Variants in SEPTIN14 observed in about 807,000 individuals in gnomAD.
The protein encoded by SEPTIN14 is septin 14.
SEPTIN14 carries 40 observed loss-of-function variants against 53.6 expected under a neutral mutation model. That is an observed-to-expected ratio of 0.75 (90% CI 0.58 to 0.97). SEPTIN14 has a LOEUF of 0.97. SEPTIN14 is among the 50% of genes least tolerant of loss of function. The pLI, the probability that SEPTIN14 is intolerant of heterozygous loss-of-function variation, is 0.00. For missense variants in SEPTIN14, 471 were observed against 508.2 expected (o/e 0.93, Z 0.70); for synonymous variants, 138 against 166.8 (o/e 0.83, Z 1.33).
chr7:55,830,349 A>ATATATATATATAT (rs71015108), intron 6 of SEPTIN14, among the ~76,000 whole-genome samples: 3 of 56,848 alleles, frequency 5.3e-5, no homozygotes, highest in African/African-American at 2.0e-4. Flanking sequence ...ATATATATAT[A>ATATATATATATAT]TTTTTTTTTT....
chr7:55,841,882 C>T (rs1040197471), intron 5 of SEPTIN14, among the ~76,000 whole-genome samples: 4 of 149,784 alleles, frequency 2.7e-5, no homozygotes, highest in African/African-American at 4.9e-5. Flanking sequence ...AAAAATTAGC[C>T]GGGCATGGTG....
Position 55,795,683 on chromosome 7 carries a change from G to A in SEPTIN14, c.*230C>T, listed in dbSNP as rs1338893068. ...GGGTTTCATCATTTTGGTCAGGCTGGTTTTGAACTCCTGACCTCAGGTGGT... is the reference window on the plus strand; with the variant it reads ...GGGTTTCATCATTTTGGTCAGGCTGATTTTGAACTCCTGACCTCAGGTGGT... On this transcript the variant is annotated 3_prime_UTR_variant, in exon 10 of 10. Coordinates refer to ENST00000388975, the MANE Select transcript of SEPTIN14 (RefSeq NM_207366.3). 4.0e-6 allele frequency: 2 copies of A among 499,098 alleles called. No individual in the cohort carries two copies. Among genetic ancestry groups the A allele is most frequent in the Non-Finnish European group, 7.1e-6 (2 of 280,346 alleles). 30.9% of individuals were successfully genotyped at this position (499,098 alleles called of 1,614,324 possible).
chr7:55,837,827 C>T (rs1789237228), intron 5 of SEPTIN14, among the ~76,000 whole-genome samples: 1 of 152,212 alleles, frequency 6.6e-6, no homozygotes, highest in South Asian at 2.1e-4. Context: ...AGGTGATCTA[C>T]CTGTCTCGGC....
chr7:55,801,224 T>A (rs1788518205), intron 9 of SEPTIN14, among the ~76,000 whole-genome samples: 1 of 151,336 alleles, frequency 6.6e-6, no homozygotes, highest in Non-Finnish European at 1.5e-5. Context: ...AGATATAGAC[T>A]AGAGAAACAA....
At chr7:55,852,338 A>T (rs932731530) in intron 2 of SEPTIN14, among the ~76,000 whole-genome samples, 3 of 152,260 alleles carry the variant, frequency 2.0e-5, no homozygotes, top group Middle Eastern at 3.4e-3. Context: ...ATGAAAACAG[A>T]CATATAGACC....
intron 9 of SEPTIN14, chr7:55,798,090 C>T (rs1471081702): frequency 3.3e-5 from 6 of 184,162 alleles, no homozygotes; most frequent in African/African-American, 7.1e-5. Flanking sequence ...CCCGTGGCCT[C>T]GGCATGTTCA....
At chr7:55,796,174 A>G in intron 9 of SEPTIN14, 82 bp from the exon 10 acceptor site, 4 of 877,440 alleles carry the variant, frequency 4.6e-6, no homozygotes, top group East Asian at 2.5e-5. Flanking sequence ...CTAAATATCA[A>G]ACAAACCCAA....
chr7:55,802,096 C>T (rs1176358126), intron 9 of SEPTIN14, among the ~76,000 whole-genome samples: 3 of 151,474 alleles, frequency 2.0e-5, no homozygotes, highest in Non-Finnish European at 4.4e-5. Context: ...CCTTCACCTC[C>T]TGGGTTCAAG....
At chr7:55,796,147 A>G (rs1788429578) in intron 9 of SEPTIN14, 55 bp from the exon 10 acceptor site, 6 of 1,112,278 alleles carry the variant, frequency 5.4e-6, no homozygotes, top group Admixed American at 1.9e-5. Context: ...TGAACACCCA[A>G]AAGAATATGC....
intron 7 of SEPTIN14, among the ~76,000 whole-genome samples, chr7:55,816,759 T>C (rs1013046919): frequency 6.6e-6 from 1 of 151,790 alleles, no homozygotes; most frequent in Non-Finnish European, 1.5e-5. Context: ...GATCACACCA[T>C]TGCACTCCAG....
chr7:55,832,372 A>G (rs1278407784), intron 6 of SEPTIN14, among the ~76,000 whole-genome samples: 1 of 152,230 alleles, frequency 6.6e-6, no homozygotes, highest in Non-Finnish European at 1.5e-5. Flanking sequence ...CACTAAAAAT[A>G]GAGCTACCAT....
chr7:55,835,661 G>T (rs2116035015), intron 5 of SEPTIN14, among the ~76,000 whole-genome samples: 1 of 151,992 alleles, frequency 6.6e-6, no homozygotes, highest in South Asian at 2.1e-4. Flanking sequence ...TCACTCTCTT[G>T]CCCCGCCTAG....
intron 9 of SEPTIN14, 85 bp downstream of exon 9, chr7:55,805,173 T>A (rs1442442519): frequency 1.6e-6 from 2 of 1,256,990 alleles, no homozygotes; most frequent in African/African-American, 3.1e-5. Context: ...TCCAAAAACA[T>A]CAAGTAAACT....
At chr7:55,842,412 C>T (rs1042002869) in intron 5 of SEPTIN14, among the ~76,000 whole-genome samples, 1 of 151,848 alleles carries the variant, frequency 6.6e-6, no homozygotes, top group Admixed American at 6.6e-5. Flanking sequence ...TCAAGTTCAG[C>T]CTGGGCAACA....
chr7:55,853,947 T>C (rs993312081), intron 2 of SEPTIN14, among the ~76,000 whole-genome samples: 22 of 152,146 alleles, frequency 1.4e-4, no homozygotes, highest in African/African-American at 3.9e-4. Flanking sequence ...AAACCCTGTC[T>C]CTACTGAAAA....
At chr7:55,843,733 G>A (rs1226090659) in intron 4 of SEPTIN14, among the ~76,000 whole-genome samples, 1 of 152,234 alleles carries the variant, frequency 6.6e-6, no homozygotes, top group East Asian at 1.9e-4. Flanking sequence ...TCAGGAGGCT[G>A]AGGTAGGAGA....
chr7:55,807,052 A>G (rs746306895), intron 8 of SEPTIN14, 38 bp downstream of exon 8: 2 of 1,480,222 alleles, frequency 1.4e-6, no homozygotes, highest in African/African-American at 2.9e-5. Context: ...GGACTCCTAA[A>G]TTATCCATTT....
At position 55,807,115 on chromosome 7, in the gene SEPTIN14, C is replaced by A; in HGVS notation, c.961G>T (p.Val321Leu). ...QKLQKMGFTDVGPNNQPVSFQ... is the reference protein window; with the variant it reads ...QKLQKMGFTDLGPNNQPVSFQ... ...CTAACTGGCTGGTTGTTTGGACCCA[C>A]ATCTGTAAAGCCCATTTTCTGCAGT... Residue 321 changes from valine to leucine, a missense_variant, in exon 8 of 10, where the codon GTG (valine) becomes TTG (leucine). Transcript: ENST00000388975. 6.2e-7 allele frequency: 1 copy of A among 1,600,390 alleles called. No individual in the cohort carries two copies. The highest frequency in any genetic ancestry group is 8.5e-7 in the Non-Finnish European group (1 of 1,176,200).
rs569662680 is a variant in SEPTIN14 at position 55,817,530 on chromosome 7, C to T, written c.817+1597G>A. ...CTGTTGCCCAGCTGGAGTGCAGTGG[C>T]GTGATCTCAGCTCACTGCAAGCTCC... On this transcript the variant is annotated intron_variant, in intron 7 of 9. Transcript: ENST00000388975. Among the ~76,000 whole-genome samples, 53 of 149,114 alleles carry T rather than the reference C, an allele frequency of 3.6e-4. 1 individual carries two copies. Among genetic ancestry groups the T allele is most frequent in the Middle Eastern group, 3.5e-3 (1 of 288 alleles).
Sources: allele counts gnomAD v4.1 joint callset (sites outside exome capture counted in the v4.1 genomes callset), GRCh38; gene constraint gnomAD v4.1.1; transcripts MANE v1.5; gene names NCBI Gene and HGNC (gene_info 2026-07-23, HGNC 2026-07-21).